Variants in KRT85 observed in about 807,000 individuals in gnomAD.
The protein encoded by KRT85 is keratin 85.
In KRT85, 39 loss-of-function variants were observed where a neutral mutation model predicts 53.7. The ratio of observed to expected loss-of-function variants is 0.73; its 90% CI spans 0.56 to 0.95. The LOEUF (loss-of-function observed/expected upper bound fraction) is 0.95, where lower values mean the gene tolerates loss of function less well. KRT85 is among the 40% of genes least tolerant of loss of function. KRT85 has a pLI of 0.00. For synonymous variants in KRT85, 291 were observed against 277.5 expected (o/e 1.05, Z -0.48); for missense variants, 668 against 686.0 (o/e 0.97, Z 0.29).
rs771983016 is a variant in KRT85 at position 52,364,426 on chromosome 12, C to A, written c.630-60G>T. ...AACTGGACCTTGAATACCATCCCAACTCCTGGGCAAGTTCTTCCGGGGATT... is the reference window on the plus strand; with the variant it reads ...AACTGGACCTTGAATACCATCCCAAATCCTGGGCAAGTTCTTCCGGGGATT... On this transcript the variant is annotated intron_variant, in intron 2 of 8. Coordinates refer to ENST00000257901, the MANE Select transcript of KRT85 (RefSeq NM_002283.4). 4 of 1,613,960 alleles carry A rather than the reference C, an allele frequency of 2.5e-6. No homozygotes were observed. In the African/African-American group the frequency reaches 4.0e-5, roughly 16 times the overall value.
rs112722725 is a variant in KRT85, at chr12:52,361,356, G to A, written c.1330+111C>T. 6.5e-4 allele frequency: 656 copies of A among 1,008,718 alleles called. 1 individual carries two copies. In the African/African-American group the frequency reaches 9.7e-3, roughly 15 times the overall value. 62.5% of individuals were successfully genotyped at this position (1,008,718 alleles called of 1,614,324 possible). A position where few individuals can be genotyped will look rare whatever the true frequency, so the allele number is the denominator to read the frequency against. The stretch of plus-strand genomic sequence containing the variant: ...TCATGGCCCCCACTGAGGAGCCAGG[G>A]GAGGGTGAAACAGTTGGGGGAACAC... On this transcript the variant is annotated intron_variant, in intron 8 of 8. Transcript: ENST00000257901.
At chr12:52,365,312 G>T in intron 1 of KRT85, 142 bp from the exon 2 acceptor site, 1 of 898,018 alleles carries the variant, frequency 1.1e-6, no homozygotes, top group Non-Finnish European at 1.8e-6. Flanking sequence ...CCCATTCCCA[G>T]GCCCCCAGGG....
chr12:52,367,207 C>T lies in KRT85; in HGVS notation c.199G>A (p.Ala67Thr). The T allele has an allele frequency of 6.2e-7, 1 of 1,613,742 alleles. No homozygotes were observed. The highest frequency in any genetic ancestry group is 8.5e-7 in the Non-Finnish European group (1 of 1,179,812). ...CNLGSCGPRI[A>T]VGGFRAGSCG... The stretch of plus-strand genomic sequence containing the variant: ...GAGCCGGCTCGGAAGCCACCTACAG[C>T]TATCCGGGGCCCGCAGGAGCCCAGG... The change falls in exon 1 of 9, where the codon GCT becomes ACT. Residue 67 changes from alanine to threonine, a missense_variant. This residue lies in a region of KRT85 where 158 missense variants were observed against 141.8 expected (regional missense o/e 1.11). Coordinates refer to ENST00000257901, the MANE Select transcript of KRT85 (RefSeq NM_002283.4).
Position 52,360,708 on chromosome 12 carries a change from G to GGGTCTTTCCCTCTGTA in KRT85, c.*129_*144dup, listed in dbSNP as rs1592140412. On this transcript the variant is annotated 3_prime_UTR_variant, in exon 9 of 9. Transcript: ENST00000257901. ...GAAAAGGCGCAGGGGAGCGGCCCGAGGGTCTTTCCCTCTGTAGGTCTTTCC... is the reference window on the plus strand; with the variant it reads ...GAAAAGGCGCAGGGGAGCGGCCCGAGGGTCTTTCCCTCTGTAGGTCTTTCCCTCTGTAGGTCTTTCC... The GGGTCTTTCCCTCTGTA allele has an allele frequency of 2.1e-6, 2 of 930,738 alleles. No individual in the cohort carries two copies. The highest frequency in any genetic ancestry group is 5.0e-5 in the East Asian group (2 of 40,384). 57.7% of individuals were successfully genotyped at this position (930,738 alleles called of 1,614,324 possible). A position where few individuals can be genotyped will look rare whatever the true frequency, so the allele number is the denominator to read the frequency against.
Position 52,360,612 on chromosome 12 carries a change from T to G in KRT85, c.*241A>C. On this transcript the variant is annotated 3_prime_UTR_variant, in exon 9 of 9. Transcript: ENST00000257901. ...CAGGTATTTTGGAGCTAAGTAGGAGTTAAGTGAAGGGCTGGGAATGCCTCT... is the reference window on the plus strand; with the variant it reads ...CAGGTATTTTGGAGCTAAGTAGGAGGTAAGTGAAGGGCTGGGAATGCCTCT... 1 of 570,998 alleles carries G rather than the reference T, an allele frequency of 1.8e-6. No homozygotes were observed. The highest frequency in any genetic ancestry group is 3.1e-6 in the Non-Finnish European group (1 of 320,182). The allele number at this position is 570,998 out of a possible 1,614,324, so 35.4% of individuals were successfully genotyped here.
At position 52,363,317 on chromosome 12, in the gene KRT85, C is replaced by T. The variant is rs1474070614; in HGVS notation, c.880G>A (p.Glu294Lys). 8.1e-6 allele frequency: 13 copies of T among 1,614,084 alleles called. No individual in the cohort carries two copies. Among genetic ancestry groups the T allele is most frequent in the Non-Finnish European group, 1.0e-5 (12 of 1,180,052 alleles). Residue 294 changes from glutamate to lysine, a missense_variant, in exon 5 of 9, where the codon GAG becomes AAG. By Grantham distance (56) the Glu-to-Lys change is moderately conservative (BLOSUM62 1). This residue lies in a region of KRT85 where 488 missense variants were observed against 498.1 expected (regional missense o/e 0.98). Transcript: ENST00000257901. The part of the protein sequence containing the change: ...RDLNMDCIIA[E>K]IKAQYDDVAS... ...ACATCGTCATACTGAGCCTTGATCT[C>T]AGCGATGATGCAGTCCATGTTCAGG...
Position 52,364,284 on chromosome 12 carries a change from TGCCCCATGACCA to T in KRT85, c.690+10_690+21del. ...TTGCACTGATGGGCCCCCTCCTCCT[TGCCCCATGACCA>T]GCCCCTCACCTTCTTTAGAACGACA... On this transcript the variant is annotated intron_variant, in intron 3 of 8. Coordinates refer to ENST00000257901, the MANE Select transcript of KRT85 (RefSeq NM_002283.4). 2 of 1,614,096 alleles carry T rather than the reference TGCCCCATGACCA, an allele frequency of 1.2e-6. No individual in the cohort carries two copies. The highest frequency in any genetic ancestry group is 1.7e-6 in the Non-Finnish European group (2 of 1,179,960).
Position 52,362,277 on chromosome 12 carries a change from C to G in KRT85, c.1272G>C (p.Arg424Ser), listed in dbSNP as rs780649229. The G allele has an allele frequency of 3.8e-5, 62 of 1,614,152 alleles. No individual in the cohort carries two copies. The highest frequency in any genetic ancestry group is 5.2e-5 in the Non-Finnish European group (61 of 1,179,986). Residue 424 changes from arginine (R) to serine (S), a missense_variant, in exon 7 of 9, where the codon AGG becomes AGC. By Grantham distance (110) the Arg-to-Ser change is moderately radical. Around this residue, in one of 3 missense-constraint regions of KRT85, gnomAD observed 488 missense variants for 498.1 expected, o/e 0.98. Coordinates refer to ENST00000257901, the MANE Select transcript of KRT85 (RefSeq NM_002283.4). Reference sequence around the variant, plus strand: ...TGTGTTCCTCGCCCTCCAGCAGGCGCCTGTAGGTGGCGATCTCGATGTCCA... The same window carrying G: ...TGTGTTCCTCGCCCTCCAGCAGGCGGCTGTAGGTGGCGATCTCGATGTCCA... ...LGLDIEIATY[R>S]RLLEGEEHRL...
At chr12:52,365,898 C>CT (rs1939264356) in intron 1 of KRT85, among the ~76,000 whole-genome samples, 1 of 152,192 alleles carries the variant, frequency 6.6e-6, no homozygotes, top group Non-Finnish European at 1.5e-5. Flanking sequence ...AAGTTGCTGT[C>CT]TGATAAGTGG....
chr12:52,364,551 C>A, intron 2 of KRT85, 185 bp from the exon 3 acceptor site: 1 of 1,466,048 alleles, frequency 6.8e-7, no homozygotes, highest in Non-Finnish European at 9.0e-7. Context: ...GGCTTCATTC[C>A]GCCGCAGTCC....
In KRT85 at chr12:52,360,601, C is replaced by T. The variant is rs902989467; in HGVS notation, c.*252G>A. ...CAAATTGGATACAGGTATTTTGGAG[C>T]TAAGTAGGAGTTAAGTGAAGGGCTG... On this transcript the variant is annotated 3_prime_UTR_variant, in exon 9 of 9. Coordinates refer to ENST00000257901, the MANE Select transcript of KRT85 (RefSeq NM_002283.4). The T allele has an allele frequency of 1.9e-5, 11 of 569,818 alleles. No individual in the cohort carries two copies. Among genetic ancestry groups the T allele is most frequent in the Non-Finnish European group, 3.5e-5 (11 of 318,140 alleles). 35.3% of individuals were successfully genotyped at this position (569,818 alleles called of 1,614,324 possible).
At chr12:52,364,227 G>T (rs1939238536) in intron 3 of KRT85, 64 bp from the exon 4 acceptor site, 6 of 1,612,438 alleles carry the variant, frequency 3.7e-6, no homozygotes, top group Non-Finnish European at 4.2e-6. Context: ...GGTGCCTTTG[G>T]TCAGCATGGT....
At position 52,364,098 on chromosome 12, in the gene KRT85, C is replaced by G; in HGVS notation, c.756G>C (p.Glu252Asp). ...LEANVEALVEESSFLRRLYEE... is the reference protein window; with the variant it reads ...LEANVEALVEDSSFLRRLYEE... ...CATAGAGGCGCCTCAGGAAGCTAGA[C>G]TCCTCCACCAGGGCCTCCACATTGG... The change falls in exon 4 of 9, where the codon GAG (glutamate) becomes GAC (aspartate). Residue 252 changes from glutamate (E) to aspartate (D), a missense_variant. Transcript: ENST00000257901. The G allele has an allele frequency of 6.2e-7, 1 of 1,614,092 alleles. No homozygotes were observed. Among genetic ancestry groups the G allele is most frequent in the Non-Finnish European group, 8.5e-7 (1 of 1,180,032 alleles).
At chr12:52,363,151 G>A in intron 5 of KRT85, 95 bp downstream of exon 5, 3 of 1,567,614 alleles carry the variant, frequency 1.9e-6, no homozygotes, top group Non-Finnish European at 2.6e-6. Flanking sequence ...TGTCCTCATG[G>A]GTCAGAATCC....
intron 5 of KRT85, 46 bp from the exon 6 acceptor site, chr12:52,363,025 A>G (rs1237817524): frequency 6.2e-7 from 1 of 1,613,802 alleles, no homozygotes; most frequent in Non-Finnish European, 8.5e-7. Flanking sequence ...GGGGCCCCCC[A>G]TCCATTCAGG....
chr12:52,362,625 A>G (rs779729560), intron 6 of KRT85, among the ~76,000 whole-genome samples, 154 bp from the exon 7 acceptor site: 1 of 151,936 alleles, frequency 6.6e-6, no homozygotes, highest in Non-Finnish European at 1.5e-5. Flanking sequence ...GAGGGAGGAG[A>G]TGGGTGGGCT....
In KRT85 at chr12:52,360,787, A is replaced by G; in HGVS notation, c.*66T>C. On this transcript the variant is annotated 3_prime_UTR_variant, in exon 9 of 9. Coordinates refer to ENST00000257901, the MANE Select transcript of KRT85 (RefSeq NM_002283.4). ...AAGCAAGCACACATTTTCCATTCAC[A>G]TGCCATTCAGTGCAGTGATGCAGGC... 1 of 1,483,220 alleles carries G rather than the reference A, an allele frequency of 6.7e-7. No individual in the cohort carries two copies. The highest frequency in any genetic ancestry group is 9.4e-7 in the Non-Finnish European group (1 of 1,062,484). 91.9% of individuals were successfully genotyped at this position (1,483,220 alleles called of 1,614,324 possible).
rs747061958 is a variant in KRT85 at position 52,364,951 on chromosome 12, G to T, written c.629+11C>A. 1.2e-6 allele frequency: 2 copies of T among 1,612,380 alleles called. No individual in the cohort carries two copies. Among genetic ancestry groups the T allele is most frequent in the Non-Finnish European group, 1.7e-6 (2 of 1,179,892 alleles). On this transcript the variant is annotated intron_variant, in intron 2 of 8. Transcript: ENST00000257901. Reference sequence around the variant, plus strand: ...AGTTTCCCCTGAGTCCCCCCAGCTTGCTGCACTCACTTCTTCTTGTAGCCC... The same window carrying T: ...AGTTTCCCCTGAGTCCCCCCAGCTTTCTGCACTCACTTCTTCTTGTAGCCC...
chr12:52,365,008 A>G lies in KRT85; in HGVS notation c.583T>C (p.Ser195Pro). 3 of 1,613,072 alleles carry G rather than the reference A, an allele frequency of 1.9e-6. No individual in the cohort carries two copies. Among genetic ancestry groups the G allele is most frequent in the Non-Finnish European group, 1.7e-6 (2 of 1,180,008 alleles). The change falls in exon 2 of 9, where the codon TCA becomes CCA. Residue 195 changes from serine (S) to proline (P), a missense_variant. By Grantham distance (74) the Ser-to-Pro change is moderately conservative (BLOSUM62 -1). Transcript: ENST00000257901. ...ACCTCCTGCACATGGTTGAGCTCTG[A>G]GGCCAGCCTCCCGCTGTCGGCCTCC... ...CVEADSGRLA[S>P]ELNHVQEVLE...
Sources: allele counts gnomAD v4.1 joint callset (sites outside exome capture counted in the v4.1 genomes callset), GRCh38; gene constraint gnomAD v4.1.1; regional missense constraint gnomAD v4.1.1; transcripts MANE v1.5; gene names NCBI Gene and HGNC (gene_info 2026-07-23, HGNC 2026-07-21).